PIBF1: variants seen among roughly 807,000 people sequenced by gnomAD.
PIBF1 encodes the protein progesterone-induced-blocking factor 1.
A neutral mutation model predicts 112.5 loss-of-function variants in PIBF1; 90 were observed. That is an observed-to-expected ratio of 0.80 (90% CI 0.67 to 0.95). The LOEUF (loss-of-function observed/expected upper bound fraction) is 0.95. Ranked by LOEUF, PIBF1 falls within the 40% of genes least tolerant of loss-of-function variation. The pLI is 0.00. For synonymous variants in PIBF1, 301 were observed against 288.6 expected, an observed-to-expected ratio of 1.04 and a Z score of -0.44; for missense variants, 915 against 852.3, an observed-to-expected ratio of 1.07 and a Z score of -0.92.
intron 5 of PIBF1, among the ~76,000 whole-genome samples, chr13:72,811,536 C>T (rs1413580621): frequency 6.7e-6 from 1 of 148,516 alleles, no homozygotes; most frequent in African/African-American, 2.5e-5. Context: ...GTGGAGGTTG[C>T]AGTGAGCGGA....
intron 5 of PIBF1, among the ~76,000 whole-genome samples, chr13:72,818,317 T>C (rs2036386822): frequency 6.6e-6 from 1 of 152,182 alleles, no homozygotes. Context: ...AATGAAAGCC[T>C]TGCTCTAGAT....
chr13:72,861,514 A>T (rs1164320721), intron 10 of PIBF1, among the ~76,000 whole-genome samples: 2 of 152,126 alleles, frequency 1.3e-5, no homozygotes, highest in Non-Finnish European at 2.9e-5. Flanking sequence ...GGCTAGTTTA[A>T]AGCTTGATAA....
chr13:72,901,440 A>G (rs891058355), intron 11 of PIBF1, among the ~76,000 whole-genome samples: 6 of 152,114 alleles, frequency 3.9e-5, no homozygotes, highest in African/African-American at 1.4e-4. Flanking sequence ...TGTAATCCCA[A>G]CACTTTGGGA....
At position 72,949,300 on chromosome 13, in the gene PIBF1, C is replaced by CTTTTTTTTTTTTT. The variant is rs71099771; in HGVS notation, c.1834-15953_1834-15941dup. The stretch of plus-strand genomic sequence containing the variant: ...AACTACTACCTAGACAAATAGCTGT[C>CTTTTTTTTTTTTT]TTTTTTTTTTTTTTTTTTTTTTTTT... On this transcript the variant is annotated intron_variant, in intron 14 of 17. Coordinates refer to ENST00000326291, the MANE Select transcript of PIBF1 (RefSeq NM_006346.4). Among the ~76,000 whole-genome samples the CTTTTTTTTTTTTT allele has an allele frequency of 1.1e-3, 61 of 54,980 alleles. 10 individuals are homozygous for CTTTTTTTTTTTTT. Among genetic ancestry groups the CTTTTTTTTTTTTT allele is most frequent in the South Asian group, 3.6e-3 (4 of 1,124 alleles). 36.1% of individuals were successfully genotyped at this position (54,980 alleles called of 152,430 possible).
chr13:72,803,606 A>G lies in PIBF1; in HGVS notation c.672+5580A>G, dbSNP rs73215094. Among the ~76,000 whole-genome samples the G allele has an allele frequency of 3.6e-3, 541 of 152,324 alleles. 5 individuals carry two copies. The highest frequency in any genetic ancestry group is 3.4e-3 in the Middle Eastern group (1 of 294). ...TTTCTTAATATCTAAATAGTGGTTT[A>G]AAGAATAATAATTTAGTAAAGTGAG... On this transcript the variant is annotated intron_variant, in intron 5 of 17. Transcript: ENST00000326291.
chr13:72,842,725 A>T (rs970832791), intron 9 of PIBF1, among the ~76,000 whole-genome samples: 2 of 152,204 alleles, frequency 1.3e-5, no homozygotes, highest in Non-Finnish European at 2.9e-5. Context: ...ATATCTTACC[A>T]GGTATCTGTA....
intron 10 of PIBF1, among the ~76,000 whole-genome samples, chr13:72,892,809 C>CAT (rs200149334): frequency 2.0e-5 from 3 of 146,594 alleles, no homozygotes; most frequent in Non-Finnish European, 4.5e-5. Flanking sequence ...CACACACACA[C>CAT]GCACACGCAC....
chr13:73,010,229 G>GTTT lies in PIBF1; in HGVS notation c.2224-5623_2224-5621dup, dbSNP rs35486011. On this transcript the variant is annotated intron_variant, in intron 17 of 17. Coordinates refer to ENST00000326291, the MANE Select transcript of PIBF1 (RefSeq NM_006346.4). ...CAATACTCTAATATTTTCTATGCTA[G>GTTT]TTTTTTTTTTTTTTTTTTTCTAAAT... is the stretch of plus-strand genomic sequence containing the variant. 2.9e-4 allele frequency among the ~76,000 whole-genome samples: 36 copies of GTTT among 123,524 alleles called. 1 individual carries two copies. Among genetic ancestry groups the GTTT allele is most frequent in the South Asian group, 5.3e-4 (2 of 3,784 alleles). 81.0% of individuals were successfully genotyped at this position (123,524 alleles called of 152,430 possible).
intron 11 of PIBF1, among the ~76,000 whole-genome samples, chr13:72,898,452 G>A (rs965998462): frequency 2.0e-5 from 3 of 151,812 alleles, no homozygotes; most frequent in Non-Finnish European, 4.4e-5. Flanking sequence ...GGAAATAACC[G>A]AGATCAGAGC....
intron 11 of PIBF1, chr13:72,900,952 G>A (rs562154287): frequency 1.7e-5 from 5 of 299,020 alleles, no homozygotes; most frequent in South Asian, 5.2e-5. Context: ...AACCCGGGAG[G>A]CGTACATTGC....
At chr13:72,814,545 T>A (rs2036178898) in intron 5 of PIBF1, among the ~76,000 whole-genome samples, 1 of 151,550 alleles carries the variant, frequency 6.6e-6, no homozygotes, top group African/African-American at 2.4e-5. Flanking sequence ...TTTATCATAA[T>A]TTAGTGAAAC....
intron 16 of PIBF1, among the ~76,000 whole-genome samples, chr13:72,992,286 A>G (rs1234302103): frequency 6.6e-6 from 1 of 152,256 alleles, no homozygotes. Flanking sequence ...TACAATGAAC[A>G]AATAATATTT....
intron 9 of PIBF1, among the ~76,000 whole-genome samples, chr13:72,843,185 G>A (rs2037688805): frequency 6.6e-6 from 1 of 152,160 alleles, no homozygotes; most frequent in Non-Finnish European, 1.5e-5. Flanking sequence ...AATGCGGGGT[G>A]GATTATAGTT....
intron 12 of PIBF1, among the ~76,000 whole-genome samples, chr13:72,911,222 C>T (rs565706280): frequency 1.3e-5 from 2 of 152,210 alleles, no homozygotes; most frequent in East Asian, 3.9e-4. Context: ...GGAAGAATTG[C>T]ACTACCTGTT....
At position 72,827,740 on chromosome 13, in the gene PIBF1, C is replaced by T. The variant is rs759640199; in HGVS notation, c.923C>T (p.Thr308Ile). 2 of 1,576,828 alleles carry T rather than the reference C, an allele frequency of 1.3e-6. No homozygotes were observed. The highest frequency in any genetic ancestry group is 1.7e-4 in the Middle Eastern group (1 of 5,968). ...GTTTCTACATGTATGTAGGTAGTCA[C>T]CTTAGAGCAAACTGTTACTTTACTG... ...ERSELSKEVV[T>I]LEQTVTLLQK... Residue 308 changes from threonine to isoleucine, a missense_variant, in exon 8 of 18, where the codon ACC (threonine) becomes ATC (isoleucine). Transcript: ENST00000326291.
intron 13 of PIBF1, among the ~76,000 whole-genome samples, chr13:72,929,543 T>A (rs2041637635): frequency 6.6e-6 from 1 of 152,094 alleles, no homozygotes; most frequent in Admixed American, 6.5e-5. Flanking sequence ...ATAATGAAAA[T>A]GCTCTAAAAT....
intron 10 of PIBF1, among the ~76,000 whole-genome samples, chr13:72,867,507 T>C (rs1333959775): frequency 6.6e-6 from 1 of 152,194 alleles, no homozygotes; most frequent in Non-Finnish European, 1.5e-5. Context: ...CTATGTTCTC[T>C]TTTCAGCACC....
chr13:72,804,005 G>T (rs947345299), intron 5 of PIBF1, among the ~76,000 whole-genome samples: 1 of 151,942 alleles, frequency 6.6e-6, no homozygotes, highest in South Asian at 2.1e-4. Flanking sequence ...TTGCCCAGTG[G>T]TATTTCATGT....
intron 16 of PIBF1, among the ~76,000 whole-genome samples, chr13:72,997,843 T>C (rs1038564881): frequency 6.8e-6 from 1 of 147,278 alleles, no homozygotes; most frequent in African/African-American, 2.5e-5. Context: ...CATATACTTG[T>C]ATATGATGTA....
Sources: allele counts gnomAD v4.1 joint callset (sites outside exome capture counted in the v4.1 genomes callset), GRCh38; gene constraint gnomAD v4.1.1; transcripts MANE v1.5; gene names NCBI Gene and HGNC (gene_info 2026-07-23, HGNC 2026-07-21).